CTNNA2: variants seen among roughly 807,000 people sequenced by gnomAD.
CTNNA2 encodes the protein catenin alpha 2.
Under a neutral mutation model 101.0 loss-of-function variants are expected in CTNNA2, and 42 were observed. The ratio of observed to expected loss-of-function variants is 0.42; its 90% CI spans 0.32 to 0.54. CTNNA2 has a LOEUF of 0.54. Ranked by LOEUF, CTNNA2 falls within the 20% of genes least tolerant of loss-of-function variation. CTNNA2 has a pLI of 0.14. For synonymous variants in CTNNA2, 450 were observed against 456.4 expected (o/e 0.99, Z 0.18); for missense variants, 871 against 1,223.1 (o/e 0.71, Z 4.29).
At chr2:79,945,439 T>G (rs1688430281) in intron 7 of CTNNA2, among the ~76,000 whole-genome samples, 1 of 152,166 alleles carries the variant, frequency 6.6e-6, no homozygotes, top group Non-Finnish European at 1.5e-5. Flanking sequence ...CTACTATATC[T>G]CATCACTCAA....
chr2:79,409,888 G>T (rs76373272), intron 4 of CTNNA2, among the ~76,000 whole-genome samples: 1 of 151,812 alleles, frequency 6.6e-6, no homozygotes, highest in African/African-American at 2.4e-5. Flanking sequence ...ATATTACCTT[G>T]GGCAGTATGG....
chr2:80,521,977 A>G (rs1303797026), intron 9 of CTNNA2, among the ~76,000 whole-genome samples: 1 of 152,184 alleles, frequency 6.6e-6, no homozygotes, highest in African/African-American at 2.4e-5. Flanking sequence ...GAGATCAAAA[A>G]ATGAAGTCAC....
At chr2:79,788,309 G>C (rs1212108213) in intron 3 of CTNNA2, among the ~76,000 whole-genome samples, 3 of 152,138 alleles carry the variant, frequency 2.0e-5, no homozygotes, top group African/African-American at 4.8e-5. Flanking sequence ...TTGGAGTGCA[G>C]GCAGATGTTG....
At chr2:79,655,056 T>A (rs1558807607) in intron 2 of CTNNA2, among the ~76,000 whole-genome samples, 1 of 152,196 alleles carries the variant, frequency 6.6e-6, no homozygotes, top group Non-Finnish European at 1.5e-5. Flanking sequence ...TTATAAAATA[T>A]TGGTCTGTGA....
intron 7 of CTNNA2, among the ~76,000 whole-genome samples, chr2:80,367,823 G>A (rs757920757): frequency 2.0e-5 from 3 of 151,942 alleles, no homozygotes; most frequent in Non-Finnish European, 2.9e-5. Flanking sequence ...TATTTTGTTG[G>A]TTTGTTTTTA....
intron 18 of CTNNA2, 36 bp from the exon 19 acceptor site, chr2:80,647,549 T>C (rs376175647): frequency 4.7e-5 from 72 of 1,539,204 alleles, no homozygotes; most frequent in Non-Finnish European, 6.0e-5. Flanking sequence ...GGGGCCTCCA[T>C]TAACCCACAT....
At chr2:80,264,107 T>C (rs753301831) in intron 7 of CTNNA2, among the ~76,000 whole-genome samples, 1 of 152,148 alleles carries the variant, frequency 6.6e-6, no homozygotes, top group African/African-American at 2.4e-5. Context: ...AGCTCATACA[T>C]ATCAATGAGA....
chr2:79,627,122 T>C (rs1197784708), intron 1 of CTNNA2, among the ~76,000 whole-genome samples: 1 of 152,160 alleles, frequency 6.6e-6, no homozygotes, highest in Non-Finnish European at 1.5e-5. Context: ...TTTAGCGTTA[T>C]CATCTTGTGA....
At chr2:79,582,767 C>T (rs991054324) in intron 1 of CTNNA2, among the ~76,000 whole-genome samples, 4 of 152,092 alleles carry the variant, frequency 2.6e-5, no homozygotes, top group African/African-American at 7.2e-5. Flanking sequence ...GTATAATTAA[C>T]ATTCAGTAAA....
At chr2:79,537,271 C>G (rs559770829) in intron 1 of CTNNA2, among the ~76,000 whole-genome samples, 1 of 152,152 alleles carries the variant, frequency 6.6e-6, no homozygotes, top group Non-Finnish European at 1.5e-5. Context: ...ATCAAATGCT[C>G]ATCAGCCTGT....
chr2:79,667,504 T>C (rs1170299592), intron 2 of CTNNA2, among the ~76,000 whole-genome samples: 2 of 152,216 alleles, frequency 1.3e-5, no homozygotes, highest in Non-Finnish European at 2.9e-5. Flanking sequence ...TTTAAACTCA[T>C]TGGGAGTTTA....
chr2:80,612,687 G>A (rs1424680056), intron 17 of CTNNA2, among the ~76,000 whole-genome samples: 1 of 151,220 alleles, frequency 6.6e-6, no homozygotes, highest in Admixed American at 6.6e-5. Flanking sequence ...AGCTAAAACA[G>A]CCATTGAAAC....
intron 7 of CTNNA2, among the ~76,000 whole-genome samples, chr2:79,965,154 A>G (rs1355352246): frequency 6.6e-6 from 1 of 152,184 alleles, no homozygotes; most frequent in Non-Finnish European, 1.5e-5. Context: ...TATGGCATGT[A>G]AGTGACAAGC....
intron 8 of CTNNA2, among the ~76,000 whole-genome samples, chr2:80,411,231 A>G (rs911589219): frequency 6.6e-6 from 1 of 152,210 alleles, no homozygotes; most frequent in Non-Finnish European, 1.5e-5. Flanking sequence ...GAGCAAGTAT[A>G]ATTCATCAAA....
intron 13 of CTNNA2, among the ~76,000 whole-genome samples, chr2:80,577,223 G>A (rs1247914321): frequency 6.6e-6 from 1 of 152,084 alleles, no homozygotes; most frequent in Non-Finnish European, 1.5e-5. Context: ...CCTCTGGTAG[G>A]AGACAGAGAA....
At chr2:79,257,730 C>A in intron 2 of CTNNA2, among the ~76,000 whole-genome samples, 1 of 151,920 alleles carries the variant, frequency 6.6e-6, no homozygotes. Flanking sequence ...TTGTTCTGAA[C>A]TGTCACCGGG....
At chr2:79,913,227 G>C (rs1685936873) in intron 7 of CTNNA2, among the ~76,000 whole-genome samples, 1 of 152,194 alleles carries the variant, frequency 6.6e-6, no homozygotes, top group Non-Finnish European at 1.5e-5. Context: ...GAATGGCCTA[G>C]GAAGGTGCGT....
intron 7 of CTNNA2, among the ~76,000 whole-genome samples, chr2:80,293,747 C>A (rs1474418878): frequency 2.0e-5 from 3 of 152,146 alleles, no homozygotes; most frequent in Non-Finnish European, 2.9e-5. Flanking sequence ...TGTTTACATT[C>A]TTGGAAGAGC....
intron 15 of CTNNA2, among the ~76,000 whole-genome samples, chr2:80,592,777 A>T (rs1215047680): frequency 1.3e-5 from 2 of 152,204 alleles, no homozygotes; most frequent in East Asian, 3.9e-4. Flanking sequence ...GGCATAAAAA[A>T]TACGTTGGAT....
Sources: gnomAD v4.1 joint callset for allele counts (sites outside exome capture counted in the v4.1 genomes callset) on GRCh38, gnomAD v4.1.1 for gene constraint, MANE v1.5 for transcripts, NCBI Gene and HGNC (gene_info 2026-07-23, HGNC 2026-07-21) for gene names.